Variants in TMEM67 observed in about 807,000 individuals in gnomAD.
TMEM67 encodes the protein transmembrane protein 67, also known as meckelin.
A neutral mutation model predicts 136.6 loss-of-function variants in TMEM67; 124 were observed. That is an observed-to-expected ratio of 0.91 (90% CI 0.78 to 1.05). The LOEUF (loss-of-function observed/expected upper bound fraction) is 1.05. Among genes scored for constraint, TMEM67 ranks in the 50% least tolerant of loss-of-function variants. TMEM67 has a pLI of 0.00. For synonymous variants in TMEM67, 364 were observed against 390.5 expected (o/e 0.93, Z 0.80); for missense variants, 1,107 against 1,178.4 (o/e 0.94, Z 0.89).
intron 7 of TMEM67, 23 bp downstream of exon 7, chr8:93,772,674 A>C (rs765188161): frequency 2.5e-6 from 4 of 1,583,884 alleles, no homozygotes; most frequent in Non-Finnish European, 3.5e-6. Context: ...TTTTTAAATA[A>C]ATTTCATTTT....
At chr8:93,780,846 T>A (rs759405760) in intron 8 of TMEM67, 28 bp from the exon 9 acceptor site, 14 of 1,596,344 alleles carry the variant, frequency 8.8e-6, no homozygotes, top group Non-Finnish European at 1.1e-5. Flanking sequence ...TTATTCTCCA[T>A]TATTAAAACA....
At chr8:93,812,018 G>C (rs1808722076) in intron 26 of TMEM67, among the ~76,000 whole-genome samples, 1 of 151,764 alleles carries the variant, frequency 6.6e-6, no homozygotes, top group Admixed American at 6.6e-5. Flanking sequence ...GCATGGTGGT[G>C]CATGCCTGTA....
rs577869787 is a variant in TMEM67, at chr8:93,781,076, G to C, written c.978+94G>C. 3.6e-6 allele frequency: 3 copies of C among 839,534 alleles called. No homozygotes were observed. The African/African-American group carries it at 5.1e-5, about 14-fold the overall frequency. 52.0% of individuals were successfully genotyped at this position (839,534 alleles called of 1,614,324 possible). ...ACAATTCTTGCCTTTTTAGGTTGTT[G>C]GTACAAACTCAGTTACTAAACTAAA... On this transcript the variant is annotated intron_variant, in intron 9 of 27. Coordinates refer to ENST00000453321, the MANE Select transcript of TMEM67 (RefSeq NM_153704.6).
intron 3 of TMEM67, among the ~76,000 whole-genome samples, chr8:93,762,404 T>C (rs1368720851): frequency 1.3e-5 from 2 of 150,850 alleles, no homozygotes; most frequent in African/African-American, 4.9e-5. Context: ...ACTATATATC[T>C]CAAGCTGGTC....
At chr8:93,789,497 C>T (rs3134027) in intron 14 of TMEM67, among the ~76,000 whole-genome samples, 98,575 of 151,394 alleles carry the variant, frequency 0.65, 32,719 homozygotes, top group East Asian at 0.82. Context: ...AATACAAAAT[C>T]AGCCAGGCAT....
At chr8:93,776,663 TG>T (rs2130642428) in intron 7 of TMEM67, among the ~76,000 whole-genome samples, 1 of 152,346 alleles carries the variant, frequency 6.6e-6, no homozygotes, top group African/African-American at 2.4e-5. Flanking sequence ...TTTATTGATT[TG>T]CATGTGTTGA....
the TMEM67 span, among the ~76,000 whole-genome samples, chr8:93,828,270 T>C: frequency 2.0e-5 from 3 of 152,102 alleles, no homozygotes; most frequent in African/African-American, 7.2e-5. Context: ...TAAAAGAACA[T>C]GTAGCCATAT....
chr8:93,800,744 T>G (rs893180385), intron 21 of TMEM67, among the ~76,000 whole-genome samples: 3 of 152,188 alleles, frequency 2.0e-5, no homozygotes, highest in African/African-American at 4.8e-5. Flanking sequence ...CTGAAGGGCC[T>G]TTGAGAGTCC....
At chr8:93,771,536 G>A (rs1813330598) in intron 6 of TMEM67, among the ~76,000 whole-genome samples, 2 of 152,062 alleles carry the variant, frequency 1.3e-5, no homozygotes, top group African/African-American at 4.8e-5. Flanking sequence ...TATCTCCAGA[G>A]AATATTTAGG....
In TMEM67 at chr8:93,758,844, C is replaced by G. The variant is rs1245970293; in HGVS notation, c.406+268C>G. On this transcript the variant is annotated intron_variant, in intron 3 of 27. Transcript: ENST00000453321. ...GAACTCCTGGCCTCGAGAGATCTTC[C>G]TGCCTCAGCCTCCTAAAGTGCTGGG... is the stretch of plus-strand genomic sequence containing the variant. 1.3e-5 allele frequency: 5 copies of G among 387,980 alleles called. No individual in the cohort carries two copies. In the East Asian group the frequency reaches 2.0e-4, roughly 15 times the overall value. 24.0% of individuals were successfully genotyped at this position (387,980 alleles called of 1,614,324 possible). A position where few individuals can be genotyped will look rare whatever the true frequency, so the allele number is the denominator to read the frequency against.
intron 26 of TMEM67, among the ~76,000 whole-genome samples, chr8:93,814,365 G>A (rs988517998): frequency 2.0e-5 from 3 of 150,212 alleles, no homozygotes; most frequent in African/African-American, 2.4e-5. Flanking sequence ...AGTCTTGATC[G>A]CCTGACCTCG....
At chr8:93,804,941 A>G in intron 23 of TMEM67, 63 bp downstream of exon 23, 2 of 971,806 alleles carry the variant, frequency 2.1e-6, no homozygotes, top group Non-Finnish European at 3.3e-6. Context: ...TAAATGCTGG[A>G]TTTGTTTTAA....
Position 93,786,313 on chromosome 8 carries a change from G to C in TMEM67, c.1379G>C (p.Arg460Thr), listed in dbSNP as rs375991767. The change falls in exon 13 of 28, where the codon AGA (arginine) becomes ACA (threonine). Residue 460 changes from arginine to threonine, a missense_variant. Physicochemically the swap from Arg to Thr is moderately conservative, Grantham distance 71. Transcript: ENST00000453321. ...GAAAATGACTTAGGAACTCAGCCAA[G>C]AGTAATTCGAGTTGCTACTCAAATA... ...GRENDLGTQP[R>T]VIRVATQISL... 447 of 1,613,904 alleles carry C rather than the reference G, an allele frequency of 2.8e-4. 1 individual carries two copies. Among genetic ancestry groups the C allele is most frequent in the Non-Finnish European group, 3.6e-4 (423 of 1,179,950 alleles).
At chr8:93,829,712 TTC>T in the TMEM67 span, among the ~76,000 whole-genome samples, 2 of 152,018 alleles carry the variant, frequency 1.3e-5, no homozygotes, top group African/African-American at 4.8e-5. Flanking sequence ...TTCCCTTTCT[TTC>T]TCTCTCTTTT....
intron 16 of TMEM67, among the ~76,000 whole-genome samples, chr8:93,794,600 A>G (rs1376528693): frequency 6.6e-6 from 1 of 152,260 alleles, no homozygotes; most frequent in Admixed American, 6.5e-5. Flanking sequence ...AGCTTTAACC[A>G]AAGTATCTTT....
chr8:93,793,351 C>G lies in TMEM67; in HGVS notation c.1674+55C>G, dbSNP rs941749499. Reference sequence around the variant, plus strand: ...TTTTATCTTTTGACCATTCTGGATCCTTCTCATAAGACACAGCTAGAGAAT... The same window carrying G: ...TTTTATCTTTTGACCATTCTGGATCGTTCTCATAAGACACAGCTAGAGAAT... On this transcript the variant is annotated intron_variant, in intron 16 of 27. Transcript: ENST00000453321. The G allele has an allele frequency of 4.2e-6, 6 of 1,422,648 alleles. No homozygotes were observed. In the East Asian group the frequency reaches 1.4e-4, roughly 33 times the overall value. The allele number at this position is 1,422,648 out of a possible 1,614,324, so 88.1% of individuals were successfully genotyped here. A position where few individuals can be genotyped will look rare whatever the true frequency, so the allele number is the denominator to read the frequency against.
rs1586067239 is a variant in TMEM67, at chr8:93,795,447, G to A, written c.1713G>A (p.Leu571=). ...VKFLVYYAGD[L]ANVFFIITVG... ...TCTTGGTGTACTATGCTGGTGATCT[G>A]GCCAATGTTTTCTTTATCATCACAG... The change falls in exon 17 of 28, where the codon CTG becomes CTA. Residue 571 remains leucine (L), a synonymous_variant. Coordinates refer to ENST00000453321, the MANE Select transcript of TMEM67 (RefSeq NM_153704.6). 1 of 1,613,948 alleles carries A rather than the reference G, an allele frequency of 6.2e-7. No homozygotes were observed. The highest frequency in any genetic ancestry group is 8.5e-7 in the Non-Finnish European group (1 of 1,179,978).
chr8:93,798,432 C>T (rs1188113125), intron 20 of TMEM67, among the ~76,000 whole-genome samples: 3 of 152,174 alleles, frequency 2.0e-5, no homozygotes, highest in African/African-American at 7.2e-5. Context: ...TTACTGTAGA[C>T]TATGTTCTGT....
downstream of TMEM67, among the ~76,000 whole-genome samples, chr8:93,819,673 TAAAC>T (rs1246909628): frequency 6.6e-6 from 1 of 151,490 alleles, no homozygotes; most frequent in Non-Finnish European, 1.5e-5. Context: ...GATTTTAAGA[TAAAC>T]AAAAAAAAAC....
Sources: allele counts gnomAD v4.1 joint callset (sites outside exome capture counted in the v4.1 genomes callset), GRCh38; gene constraint gnomAD v4.1.1; transcripts MANE v1.5; gene names NCBI Gene and HGNC (gene_info 2026-07-23, HGNC 2026-07-21).